The following MEI4 variants were observed in gnomAD, a reference collection of about 807,000 sequenced individuals.
MEI4 encodes the protein meiotic double-stranded break formation protein 4.
In MEI4, 27 loss-of-function variants were observed where a neutral mutation model predicts 31.4. The ratio of observed to expected loss-of-function variants is 0.86; its 90% CI spans 0.63 to 1.19. The LOEUF (loss-of-function observed/expected upper bound fraction) is 1.19, where lower values mean the gene tolerates loss of function less well. Ranked by LOEUF, MEI4 falls within the 50% of genes most tolerant of loss-of-function variation. The pLI, the probability that MEI4 is intolerant of heterozygous loss-of-function variation, is 0.00. For synonymous variants in MEI4, 122 were observed against 145.4 expected (o/e 0.84, Z 1.16); for missense variants, 329 against 398.9 (o/e 0.82, Z 1.49).
chr6:77,793,995 G>A (rs972425616), intron 3 of MEI4, among the ~76,000 whole-genome samples: 3 of 151,952 alleles, frequency 2.0e-5, no homozygotes, highest in Admixed American at 2.0e-4. Context: ...GACACAGACT[G>A]GATGAATAGA....
chr6:77,909,474 C>T (rs2127738174), intron 4 of MEI4, among the ~76,000 whole-genome samples: 1 of 152,216 alleles, frequency 6.6e-6, no homozygotes, highest in East Asian at 1.9e-4. Context: ...TGAATGAATT[C>T]CTCAGCACAT....
intron 4 of MEI4, among the ~76,000 whole-genome samples, chr6:77,845,789 C>A (rs1215963182): frequency 1.3e-5 from 2 of 151,090 alleles, no homozygotes; most frequent in African/African-American, 2.4e-5. Context: ...ATCTAAGTGG[C>A]CTTGAGAATA....
At chr6:77,744,438 A>G (rs1412445301) in intron 2 of MEI4, among the ~76,000 whole-genome samples, 1 of 151,690 alleles carries the variant, frequency 6.6e-6, no homozygotes, top group African/African-American at 2.4e-5. Context: ...AAAAAGAAAC[A>G]AACAAAGCCT....
chr6:77,863,432 A>G (rs6932677), intron 4 of MEI4, among the ~76,000 whole-genome samples: 21,160 of 151,950 alleles, frequency 0.14, 1,747 homozygotes, highest in East Asian at 0.39. Context: ...ACTACGTGAC[A>G]AATGCACAAG....
At chr6:77,869,227 T>C (rs564615736) in intron 4 of MEI4, among the ~76,000 whole-genome samples, 1 of 152,190 alleles carries the variant, frequency 6.6e-6, no homozygotes, top group East Asian at 1.9e-4. Context: ...GAAACTAAGT[T>C]ACAGTAGGGA....
chr6:77,750,680 A>G (rs996167997), intron 2 of MEI4, among the ~76,000 whole-genome samples: 1 of 152,138 alleles, frequency 6.6e-6, no homozygotes, highest in African/African-American at 2.4e-5. Flanking sequence ...GGGAGACTTC[A>G]ACACCCCACT....
intron 1 of MEI4, among the ~76,000 whole-genome samples, chr6:77,666,893 G>GCA (rs1768648693): frequency 1.4e-5 from 2 of 140,446 alleles, no homozygotes; most frequent in Non-Finnish European, 3.2e-5. Context: ...GCGTGCGTGC[G>GCA]TGCGTGCATG....
chr6:77,788,571 C>T (rs1768816442), intron 3 of MEI4, among the ~76,000 whole-genome samples: 1 of 152,096 alleles, frequency 6.6e-6, no homozygotes, highest in South Asian at 2.1e-4. Context: ...GATACAAAAT[C>T]AATGTGCAAA....
intron 2 of MEI4, among the ~76,000 whole-genome samples, chr6:77,728,498 AATACAATTT>A: frequency 6.6e-6 from 1 of 152,254 alleles, no homozygotes; most frequent in Non-Finnish European, 1.5e-5. Flanking sequence ...AGACAAAAGT[AATACAATTT>A]ATATTAGCAT....
intron 4 of MEI4, among the ~76,000 whole-genome samples, chr6:77,904,441 T>C (rs985793941): frequency 1.3e-5 from 2 of 152,118 alleles, no homozygotes; most frequent in Non-Finnish European, 2.9e-5. Flanking sequence ...TAGGTAGTTT[T>C]GCAATCCTCA....
rs1581989750 is a variant in MEI4 at position 77,926,045 on chromosome 6, T to G, written c.*2699T>G. The G allele has an allele frequency of 6.6e-6, 1 of 151,740 alleles. No homozygotes were observed. Among genetic ancestry groups the G allele is most frequent in the Non-Finnish European group, 1.5e-5 (1 of 67,908 alleles). 9.4% of individuals were successfully genotyped at this position (151,740 alleles called of 1,614,324 possible). The stretch of plus-strand genomic sequence containing the variant: ...ACAACACCAGGAAGTGGCAGTTAGG[T>G]TTCATCCTGAGGCAGTCCATCTTCC... On this transcript the variant is annotated 3_prime_UTR_variant, in exon 5 of 5. Transcript: ENST00000684080.
chr6:77,712,441 G>A (rs1561954654), intron 2 of MEI4, among the ~76,000 whole-genome samples: 1 of 152,204 alleles, frequency 6.6e-6, no homozygotes, highest in East Asian at 1.9e-4. Context: ...TTTATGGCAT[G>A]AATATCATGA....
chr6:77,779,899 G>A (rs2127690191), intron 3 of MEI4, among the ~76,000 whole-genome samples: 1 of 152,286 alleles, frequency 6.6e-6, no homozygotes, highest in Admixed American at 6.5e-5. Context: ...ACATAACATA[G>A]GCATTTGAAA....
At chr6:77,757,285 G>A (rs1767940640) in intron 2 of MEI4, among the ~76,000 whole-genome samples, 2 of 152,308 alleles carry the variant, frequency 1.3e-5, no homozygotes, top group South Asian at 4.1e-4. Context: ...GCCATATTGT[G>A]TAAAATCCCA....
chr6:77,922,258 ACTTT>A (rs748120756), intron 4 of MEI4, among the ~76,000 whole-genome samples: 7 of 151,640 alleles, frequency 4.6e-5, no homozygotes, highest in Non-Finnish European at 1.0e-4. Context: ...CAATGTTAAT[ACTTT>A]CTTAATGAAT....
chr6:77,745,067 A>ACGG (rs1767553945), intron 2 of MEI4, among the ~76,000 whole-genome samples: 1 of 152,204 alleles, frequency 6.6e-6, no homozygotes, highest in African/African-American at 2.4e-5. Context: ...TCAACTGAGA[A>ACGG]GCAAAATAAC....
chr6:77,874,263 TA>T (rs1771274073), intron 4 of MEI4, among the ~76,000 whole-genome samples: 1 of 152,208 alleles, frequency 6.6e-6, no homozygotes, highest in African/African-American at 2.4e-5. Context: ...CATTTGTTTG[TA>T]TCCTCTTTTA....
intron 1 of MEI4, among the ~76,000 whole-genome samples, chr6:77,689,091 A>G (rs914025521): frequency 2.6e-5 from 4 of 152,064 alleles, no homozygotes; most frequent in Non-Finnish European, 2.9e-5. Flanking sequence ...TGTTAATTGA[A>G]TAAAATTAGA....
intron 3 of MEI4, among the ~76,000 whole-genome samples, chr6:77,800,712 AT>A (rs200301119): frequency 0.14 from 20,882 of 151,998 alleles, 1,496 homozygotes; most frequent in Middle Eastern, 0.21. Context: ...GTGCTGTTGA[AT>A]TTTGTCAAAG....
Sources: allele counts gnomAD v4.1 joint callset (sites outside exome capture counted in the v4.1 genomes callset), GRCh38; gene constraint gnomAD v4.1.1; transcripts MANE v1.5; gene names NCBI Gene and HGNC (gene_info 2026-07-23, HGNC 2026-07-21).